The following CTNNA3 variants were observed in gnomAD, a reference collection of about 807,000 sequenced individuals.
CTNNA3 encodes catenin alpha 3, also known as catenin alpha-3.
A neutral mutation model predicts 95.7 loss-of-function variants in CTNNA3; 76 were observed. The observed-to-expected ratio is 0.79, with a 90% CI of 0.66 to 0.96. The LOEUF (loss-of-function observed/expected upper bound fraction) is 0.96. CTNNA3 is among the 40% of genes least tolerant of loss of function. The pLI is 0.00. For synonymous variants in CTNNA3, 431 were observed against 374.4 expected (o/e 1.15, Z -1.74); for missense variants, 1,191 against 1,089.8 (o/e 1.09, Z -1.31).
At chr10:66,326,958 T>C (rs1052479834) in intron 12 of CTNNA3, among the ~76,000 whole-genome samples, 1 of 152,140 alleles carries the variant, frequency 6.6e-6, no homozygotes, top group Non-Finnish European at 1.5e-5. Flanking sequence ...ATTACTTACA[T>C]GTGCAAATAC....
At chr10:67,078,769 G>GC (rs1856875521) in intron 7 of CTNNA3, among the ~76,000 whole-genome samples, 2 of 151,976 alleles carry the variant, frequency 1.3e-5, no homozygotes, top group Non-Finnish European at 2.9e-5. Context: ...GCCCACCTCG[G>GC]CCCCCCAACG....
chr10:66,295,385 A>G (rs1161203130), intron 12 of CTNNA3, among the ~76,000 whole-genome samples: 1 of 152,182 alleles, frequency 6.6e-6, no homozygotes, highest in Admixed American at 6.5e-5. Context: ...CCTCCAGCAA[A>G]GAAAGCTTAG....
chr10:65,971,209 T>C (rs1245160171), intron 16 of CTNNA3, among the ~76,000 whole-genome samples: 2 of 151,686 alleles, frequency 1.3e-5, no homozygotes, highest in African/African-American at 4.8e-5. Context: ...CCTCAAAAAG[T>C]TAGAAAGATC....
intron 10 of CTNNA3, among the ~76,000 whole-genome samples, chr10:66,540,374 G>T (rs528252480): frequency 2.0e-5 from 3 of 152,232 alleles, no homozygotes; most frequent in Non-Finnish European, 2.9e-5. Context: ...AAAGTTAGAT[G>T]GTTATCTGTG....
intron 2 of CTNNA3, among the ~76,000 whole-genome samples, chr10:67,621,618 G>A (rs1165838983): frequency 1.3e-5 from 2 of 151,906 alleles, no homozygotes; most frequent in East Asian, 3.9e-4. Context: ...GCATGATGGT[G>A]CACGCCTGTA....
chr10:66,500,005 G>A (rs1367272315), intron 11 of CTNNA3, among the ~76,000 whole-genome samples: 5 of 151,920 alleles, frequency 3.3e-5, no homozygotes, highest in Non-Finnish European at 7.4e-5. Context: ...GTTTCACCAT[G>A]TTGGCCAGGC....
intron 5 of CTNNA3, among the ~76,000 whole-genome samples, chr10:67,509,389 T>C (rs889314210): frequency 6.6e-6 from 1 of 152,160 alleles, no homozygotes; most frequent in African/African-American, 2.4e-5. Context: ...CCCTGCCCTG[T>C]GTCCAAGTGT....
At chr10:66,922,731 T>C (rs1385499540) in intron 7 of CTNNA3, among the ~76,000 whole-genome samples, 1 of 152,222 alleles carries the variant, frequency 6.6e-6, no homozygotes, top group Non-Finnish European at 1.5e-5. Flanking sequence ...ACATTTTTCC[T>C]TGTCAATCAA....
rs1393750585 is a variant in CTNNA3 at position 66,346,240 on chromosome 10, TATATATAG to T, written c.1732+32904_1732+32911del. On this transcript the variant is annotated intron_variant, in intron 12 of 17. Coordinates refer to ENST00000433211, the MANE Select transcript of CTNNA3 (RefSeq NM_013266.4). ...ATATATATATATATATATATATATA[TATATATAG>T]AGAGAGAGAGAGAGAGAGAGAGAGA... 4.4e-4 allele frequency among the ~76,000 whole-genome samples: 5 copies of T among 11,362 alleles called. No individual in the cohort carries two copies. In the South Asian group the frequency reaches 0.016, roughly 36 times the overall value. The allele number at this position is 11,362 out of a possible 152,430, so 7.5% of individuals were successfully genotyped here.
intron 7 of CTNNA3, among the ~76,000 whole-genome samples, chr10:66,915,704 T>C (rs148889518): frequency 1.2e-3 from 171 of 147,500 alleles, no homozygotes; most frequent in African/African-American, 4.2e-3. Flanking sequence ...GACATATATA[T>C]ATATATAATA....
intron 5 of CTNNA3, among the ~76,000 whole-genome samples, chr10:67,296,934 C>CAAA (rs1210482029): frequency 0.019 from 334 of 17,650 alleles, 63 homozygotes; most frequent in African/African-American, 0.054. Flanking sequence ...AACGCTGTCT[C>CAAA]AAAAAAAAAA....
chr10:67,176,853 G>A (rs1862264333), intron 7 of CTNNA3: 2 of 455,404 alleles, frequency 4.4e-6, no homozygotes, highest in Non-Finnish European at 8.8e-6. Context: ...GCCAAGGAAT[G>A]AGGGTGACCT....
chr10:67,551,512 T>C (rs1435979508), intron 3 of CTNNA3, among the ~76,000 whole-genome samples: 1 of 152,206 alleles, frequency 6.6e-6, no homozygotes, highest in Non-Finnish European at 1.5e-5. Context: ...CAAAAAGCCC[T>C]GTCCTTGAGA....
chr10:66,840,150 A>T (rs1843000551), intron 7 of CTNNA3, among the ~76,000 whole-genome samples: 1 of 152,148 alleles, frequency 6.6e-6, no homozygotes, highest in African/African-American at 2.4e-5. Flanking sequence ...GAAATGCAAG[A>T]AGCCCTCACT....
chr10:66,680,120 C>T (rs1847013022), intron 9 of CTNNA3, among the ~76,000 whole-genome samples: 1 of 152,084 alleles, frequency 6.6e-6, no homozygotes, highest in Admixed American at 6.5e-5. Flanking sequence ...AGCCTAGCCT[C>T]CTGAGTAGCT....
At chr10:67,267,991 AC>A (rs1347903978) in intron 5 of CTNNA3, among the ~76,000 whole-genome samples, 1 of 152,166 alleles carries the variant, frequency 6.6e-6, no homozygotes, top group Admixed American at 6.6e-5. Context: ...GGGGTTAAGC[AC>A]ATAATAATTT....
At chr10:66,531,097 C>T (rs2132049167) in intron 10 of CTNNA3, among the ~76,000 whole-genome samples, 1 of 151,856 alleles carries the variant, frequency 6.6e-6, no homozygotes, top group African/African-American at 2.4e-5. Flanking sequence ...GTCTTTTACA[C>T]TAAATATTAA....
At chr10:67,058,943 C>CA (rs1191858196) in intron 7 of CTNNA3, among the ~76,000 whole-genome samples, 6 of 151,852 alleles carry the variant, frequency 4.0e-5, no homozygotes, top group Non-Finnish European at 8.8e-5. Context: ...CATAAATCAC[C>CA]AAAAAAAGGC....
At chr10:66,067,230 T>C (rs78854039) in intron 15 of CTNNA3, among the ~76,000 whole-genome samples, 4,154 of 152,290 alleles carry the variant, frequency 0.027, 183 homozygotes, top group African/African-American at 0.094. Flanking sequence ...TCTGTGTAAT[T>C]GTACTAGTCA....
Sources: gnomAD v4.1 joint callset for allele counts (sites outside exome capture counted in the v4.1 genomes callset) on GRCh38, gnomAD v4.1.1 for gene constraint, MANE v1.5 for transcripts, NCBI Gene and HGNC (gene_info 2026-07-23, HGNC 2026-07-21) for gene names.